COMMD10: variants seen among roughly 807,000 people sequenced by gnomAD.
The protein encoded by COMMD10 is COMM domain-containing protein 10.
Under a neutral mutation model 28.9 loss-of-function variants are expected in COMMD10, and 33 were observed. The ratio of observed to expected loss-of-function variants is 1.14; its 90% confidence interval spans 0.87 to 1.53. The LOEUF is 1.53. Ranked by LOEUF, COMMD10 falls within the 40% of genes most tolerant of loss-of-function variation. COMMD10 has a pLI of 0.00. For synonymous variants in COMMD10, 110 were observed against 81.7 expected (o/e 1.35, Z -1.87); for missense variants, 310 against 233.4 (o/e 1.33, Z -2.14).
At chr5:116,254,034 A>G (rs1750204579) in intron 5 of COMMD10, among the ~76,000 whole-genome samples, 1 of 152,144 alleles carries the variant, frequency 6.6e-6, no homozygotes, top group Non-Finnish European at 1.5e-5. Context: ...GGGAGAGTAT[A>G]TGTGTCAAGG....
intron 5 of COMMD10, among the ~76,000 whole-genome samples, chr5:116,250,975 T>C (rs981538649): frequency 1.3e-5 from 2 of 151,636 alleles, no homozygotes; most frequent in African/African-American, 4.9e-5. Flanking sequence ...CTGGCTTGGG[T>C]TGGGGGGTGC....
chr5:116,158,126 C>G (rs1265193396), intron 5 of COMMD10, among the ~76,000 whole-genome samples: 2 of 144,656 alleles, frequency 1.4e-5, no homozygotes, highest in African/African-American at 5.3e-5. Flanking sequence ...TCCTTCCTCC[C>G]TCCCTCCCTT....
At chr5:116,182,266 A>T (rs984074491) in intron 5 of COMMD10, among the ~76,000 whole-genome samples, 6 of 152,104 alleles carry the variant, frequency 3.9e-5, no homozygotes, top group South Asian at 2.1e-4. Flanking sequence ...GTTTAGCTCT[A>T]GGCTACTATT....
At position 116,134,154 on chromosome 5, in the gene COMMD10, C is replaced by T. The variant is rs143206717; in HGVS notation, c.486C>T (p.Leu162=). Reference sequence around the variant, plus strand: ...AATCTCCTCAAGCTGTGTTACAACTCGGAGTGAACAATGAAGATTCAAAGG... The same window carrying T: ...AATCTCCTCAAGCTGTGTTACAACTTGGAGTGAACAATGAAGATTCAAAGG... ...KLKSPQAVLQ[L]GVNNEDSKSL... is the part of the protein sequence containing the mutation. The change falls in exon 5 of 7, where the codon CTC becomes CTT. Residue 162 remains leucine (L), a synonymous_variant. Coordinates refer to ENST00000274458, the MANE Select transcript of COMMD10 (RefSeq NM_016144.4). 462 of 1,604,018 alleles carry T rather than the reference C, an allele frequency of 2.9e-4. 1 individual carries two copies. The highest frequency in any genetic ancestry group is 3.7e-4 in the Non-Finnish European group (435 of 1,170,800).
At chr5:116,112,901 A>G (rs903145935) in intron 4 of COMMD10, among the ~76,000 whole-genome samples, 2 of 151,800 alleles carry the variant, frequency 1.3e-5, no homozygotes, top group South Asian at 2.1e-4. Flanking sequence ...TCTTTGTATG[A>G]TATCTTTACT....
At chr5:116,188,635 C>G (rs1052265652) in intron 5 of COMMD10, 1 of 121,012 alleles carries the variant, frequency 8.3e-6, no homozygotes, top group African/African-American at 4.4e-5. Flanking sequence ...CTTTCTCTCT[C>G]TCTCTTTTTT....
chr5:116,152,824 GA>G (rs1233186232), intron 5 of COMMD10, among the ~76,000 whole-genome samples: 1 of 152,010 alleles, frequency 6.6e-6, no homozygotes, highest in East Asian at 1.9e-4. Context: ...TAAAGTATAA[GA>G]AAATATGAGA....
chr5:116,186,321 C>G (rs1431359674), intron 5 of COMMD10, among the ~76,000 whole-genome samples: 1 of 152,240 alleles, frequency 6.6e-6, no homozygotes, highest in East Asian at 1.9e-4. Context: ...CCGCACTTAA[C>G]AGCTTTCCCA....
At position 116,104,712 on chromosome 5, in the gene COMMD10, C is replaced by T. The variant is rs571202281; in HGVS notation, c.399+12012C>T. On this transcript the variant is annotated intron_variant, in intron 4 of 6. Transcript: ENST00000274458. ...TCGGCTCACTGTAAGCTCCTCCTCCCGAGTTCATGCCATTCTCCTGCCTCA... is the reference window on the plus strand; with the variant it reads ...TCGGCTCACTGTAAGCTCCTCCTCCTGAGTTCATGCCATTCTCCTGCCTCA... Among the ~76,000 whole-genome samples, 48 of 152,062 alleles carry T rather than the reference C, an allele frequency of 3.2e-4. No individual in the cohort carries two copies. In the South Asian group the frequency reaches 7.9e-3, roughly 25 times the overall value.
At chr5:116,198,194 C>T (rs1748579425) in intron 5 of COMMD10, among the ~76,000 whole-genome samples, 1 of 152,092 alleles carries the variant, frequency 6.6e-6, no homozygotes, top group Admixed American at 6.6e-5. Context: ...TTTCTAAGTA[C>T]ATTTTGGTTT....
At chr5:116,202,130 T>C (rs1377944679) in intron 5 of COMMD10, among the ~76,000 whole-genome samples, 5 of 148,814 alleles carry the variant, frequency 3.4e-5, no homozygotes, top group African/African-American at 1.2e-4. Flanking sequence ...AATGAGAACA[T>C]GCAGTGTTTG....
chr5:116,239,874 CTT>C (rs1026715170), intron 5 of COMMD10, among the ~76,000 whole-genome samples: 3 of 152,138 alleles, frequency 2.0e-5, no homozygotes, highest in Non-Finnish European at 4.4e-5. Context: ...AAGGCAGAAA[CTT>C]TGTCTTTTCT....
chr5:116,291,053 T>A (rs1194371657), intron 5 of COMMD10, among the ~76,000 whole-genome samples: 1 of 152,172 alleles, frequency 6.6e-6, no homozygotes, highest in Non-Finnish European at 1.5e-5. Context: ...CTCAGCATGT[T>A]GAGATCACAA....
At chr5:116,270,613 T>G (rs573893520) in intron 5 of COMMD10, among the ~76,000 whole-genome samples, 139 of 151,768 alleles carry the variant, frequency 9.2e-4, no homozygotes, top group Non-Finnish European at 1.6e-3. Context: ...TGCTGCTGCT[T>G]TGTATAATCA....
At chr5:116,097,557 C>T (rs1750509132) in intron 4 of COMMD10, among the ~76,000 whole-genome samples, 1 of 152,190 alleles carries the variant, frequency 6.6e-6, no homozygotes, top group South Asian at 2.1e-4. Flanking sequence ...CTGCGTCAGG[C>T]ATTATGCAGG....
Position 116,223,636 on chromosome 5 carries a change from G to A in COMMD10, c.511-67881G>A, listed in dbSNP as rs142395749. Among the ~76,000 whole-genome samples the A allele has an allele frequency of 2.6e-3, 396 of 152,294 alleles. 1 individual carries two copies. The highest frequency in any genetic ancestry group is 4.4e-3 in the Non-Finnish European group (302 of 68,024). On this transcript the variant is annotated intron_variant, in intron 5 of 6. Coordinates refer to ENST00000274458, the MANE Select transcript of COMMD10 (RefSeq NM_016144.4). ...TTGTGCCAGACTATAAGGTGAGACC[G>A]TAAGGTTGAGTCAGAGAGGGACAGA...
chr5:116,143,583 AT>A (rs1306226083), intron 5 of COMMD10, among the ~76,000 whole-genome samples: 1 of 151,906 alleles, frequency 6.6e-6, no homozygotes, highest in South Asian at 2.1e-4. Flanking sequence ...TAAATACAGA[AT>A]TTTTAAAACA....
chr5:116,142,730 A>G (rs1442849185), intron 5 of COMMD10, among the ~76,000 whole-genome samples: 1 of 151,748 alleles, frequency 6.6e-6, no homozygotes, highest in Admixed American at 6.6e-5. Flanking sequence ...CTTTTGTATT[A>G]CTTTAGTGCA....
At chr5:116,271,786 C>G (rs1000575398) in intron 5 of COMMD10, among the ~76,000 whole-genome samples, 3 of 151,950 alleles carry the variant, frequency 2.0e-5, no homozygotes, top group East Asian at 1.9e-4. Context: ...AAAGGAAACT[C>G]TTAGGCCATT....
Sources: allele counts gnomAD v4.1 joint callset (sites outside exome capture counted in the v4.1 genomes callset), GRCh38; gene constraint gnomAD v4.1.1; transcripts MANE v1.5; gene names NCBI Gene and HGNC (gene_info 2026-07-23, HGNC 2026-07-21).